The following DPEP1 variants were observed in gnomAD, a reference collection of about 807,000 sequenced individuals.
The protein encoded by DPEP1 is beta-lactamase.
DPEP1 carries 50 observed loss-of-function variants against 42.3 expected under a neutral mutation model. The observed-to-expected ratio is 1.18, with a 90% CI of 0.94 to 1.50. The LOEUF (loss-of-function observed/expected upper bound fraction) is 1.50. DPEP1 is among the 40% of genes most tolerant of loss of function. The pLI is 0.00. For missense variants in DPEP1, 663 were observed against 553.0 expected (o/e 1.20, Z -1.99); for synonymous variants, 297 against 234.0 (o/e 1.27, Z -2.46).
At chr16:89,638,799 C>T (rs1284591187), downstream of DPEP1, among the ~76,000 whole-genome samples, 1 of 95,778 alleles carries the variant, frequency 1.0e-5, no homozygotes, top group African/African-American at 4.1e-5. Flanking sequence ...CGCACACCCC[C>T]CACCCCTGCA....
At chr16:89,617,176 C>G (rs1371738641) in intron 1 of DPEP1, among the ~76,000 whole-genome samples, 5 of 152,226 alleles carry the variant, frequency 3.3e-5, no homozygotes, top group Non-Finnish European at 5.9e-5. Flanking sequence ...GGAATCAAGA[C>G]AGGGTGGAGC....
chr16:89,628,698 C>T (rs1156849379), intron 1 of DPEP1, among the ~76,000 whole-genome samples: 4 of 152,074 alleles, frequency 2.6e-5, no homozygotes, highest in African/African-American at 9.7e-5. Context: ...AAGCGACAAG[C>T]AGAACATGGA....
intron 1 of DPEP1, among the ~76,000 whole-genome samples, chr16:89,626,699 CT>C (rs1385406854): frequency 6.6e-6 from 1 of 151,584 alleles, no homozygotes; most frequent in Non-Finnish European, 1.5e-5. Context: ...CCCTCAAACT[CT>C]CTCCCCCGCT....
chr16:89,639,450 C>T (rs2059727625), downstream of DPEP1, among the ~76,000 whole-genome samples: 1 of 85,264 alleles, frequency 1.2e-5, no homozygotes, highest in Non-Finnish European at 2.3e-5. Context: ...CAACCCTGTG[C>T]ACACCCCACC....
intron 1 of DPEP1, among the ~76,000 whole-genome samples, chr16:89,624,600 T>C (rs2059484897): frequency 1.3e-5 from 2 of 151,724 alleles, no homozygotes; most frequent in African/African-American, 4.8e-5. Context: ...AGTGGCGCCA[T>C]CTCGGCTCAC....
At position 89,631,694 on chromosome 16, in the gene DPEP1, A is replaced by C. The variant is rs141285619; in HGVS notation, c.104+1180A>C. 6.7e-3 allele frequency among the ~76,000 whole-genome samples: 1,027 copies of C among 152,268 alleles called. 8 individuals carry two copies. The highest frequency in any genetic ancestry group is 0.023 in the African/African-American group (976 of 41,556). ...AACATGGCGAAACCCTGTCTCTACT[A>C]AAAATACAAAAAATTAGCCAGGCAT... On this transcript the variant is annotated intron_variant, in intron 2 of 10. Coordinates refer to ENST00000690203, the MANE Select transcript of DPEP1 (RefSeq NM_001389466.1).
In DPEP1 at chr16:89,632,413, C is replaced by A. The variant is rs148176834; in HGVS notation, c.104+1899C>A. 3.1e-3 allele frequency among the ~76,000 whole-genome samples: 473 copies of A among 152,302 alleles called. 4 individuals are homozygous for A. Among genetic ancestry groups the A allele is most frequent in the African/African-American group, 0.011 (443 of 41,554 alleles). On this transcript the variant is annotated intron_variant, in intron 2 of 10. Coordinates refer to ENST00000690203, the MANE Select transcript of DPEP1 (RefSeq NM_001389466.1). ...ACCTTCATCCCTTGGCCACCGCCAG[C>A]GACACAGGGGCAGGAAGTATCTTCA...
intron 1 of DPEP1, among the ~76,000 whole-genome samples, chr16:89,614,138 A>G (rs1302275324): frequency 1.3e-5 from 2 of 150,956 alleles, no homozygotes; most frequent in African/African-American, 4.9e-5. Context: ...CCTGGGACTC[A>G]AGGAGGTGGG....
At chr16:89,632,963 G>C (rs1320425314) in intron 2 of DPEP1, among the ~76,000 whole-genome samples, 3 of 152,160 alleles carry the variant, frequency 2.0e-5, no homozygotes, top group Admixed American at 1.3e-4. Flanking sequence ...GAGGAGGAGG[G>C]AGGGGAGAGC....
intron 1 of DPEP1, among the ~76,000 whole-genome samples, chr16:89,618,944 CCCTGCT>C (rs2059410756): frequency 9.8e-6 from 1 of 102,158 alleles, no homozygotes; most frequent in Non-Finnish European, 2.0e-5. Context: ...CTCCCTGCCC[CCCTGCT>C]CCCCTCCCTG....
chr16:89,624,018 G>A (rs954771928), intron 1 of DPEP1, among the ~76,000 whole-genome samples: 2 of 152,156 alleles, frequency 1.3e-5, no homozygotes, highest in African/African-American at 4.8e-5. Flanking sequence ...ACGGACTGTG[G>A]TGCGGTCACC....
At chr16:89,621,485 G>A (rs2059445977) in intron 1 of DPEP1, among the ~76,000 whole-genome samples, 1 of 152,200 alleles carries the variant, frequency 6.6e-6, no homozygotes, top group Non-Finnish European at 1.5e-5. Flanking sequence ...AGAGAGTCCG[G>A]GGCTGCTGAG....
rs936084809 is a variant in DPEP1 at position 89,638,345 on chromosome 16, C to T, written c.*123C>T. 63 of 1,428,930 alleles carry T rather than the reference C, an allele frequency of 4.4e-5. No homozygotes were observed. The highest frequency in any genetic ancestry group is 5.2e-5 in the Non-Finnish European group (57 of 1,095,612). The allele number at this position is 1,428,930 out of a possible 1,614,324, so 88.5% of individuals were successfully genotyped here. A position where few individuals can be genotyped will look rare whatever the true frequency, so the allele number is the denominator to read the frequency against. On this transcript the variant is annotated 3_prime_UTR_variant, in exon 11 of 11. Coordinates refer to ENST00000690203, the MANE Select transcript of DPEP1 (RefSeq NM_001389466.1). ...CAAGGACCAGCATCTCCTGAGAGGA[C>T]GCCTGGGCTTACCTGGGGGGCAGGA...
At chr16:89,639,084 TTCCTGC>T (rs2059722386), downstream of DPEP1, among the ~76,000 whole-genome samples, 2 of 11,246 alleles carry the variant, frequency 1.8e-4, no homozygotes, top group Non-Finnish European at 3.1e-4. Flanking sequence ...ACACACCCCA[TTCCTGC>T]ACACACACAC....
At chr16:89,615,318 C>T (rs1338685103) in intron 1 of DPEP1, among the ~76,000 whole-genome samples, 6 of 152,134 alleles carry the variant, frequency 3.9e-5, no homozygotes, top group African/African-American at 7.2e-5. Context: ...GGCTGAGGCT[C>T]CCAGCTCCCA....
At chr16:89,614,044 GGT>G (rs1351549315) in intron 1 of DPEP1, among the ~76,000 whole-genome samples, 1 of 151,690 alleles carries the variant, frequency 6.6e-6, no homozygotes, top group African/African-American at 2.4e-5. Context: ...ACTGGGGCCA[GGT>G]GTGTGGGGCA....
At chr16:89,628,271 T>G (rs868286544) in intron 1 of DPEP1, among the ~76,000 whole-genome samples, 1,568 of 147,900 alleles carry the variant, frequency 0.011, 14 homozygotes, top group Non-Finnish European at 0.017. Flanking sequence ...TTTTTTTTTT[T>G]TGTGAGATAG....
intron 1 of DPEP1, among the ~76,000 whole-genome samples, chr16:89,629,069 C>A (rs186191933): frequency 1.3e-5 from 2 of 152,190 alleles, no homozygotes; most frequent in African/African-American, 4.8e-5. Flanking sequence ...TCAAGTGATC[C>A]ATCCGCTTCG....
At chr16:89,632,748 G>A (rs545342314) in intron 2 of DPEP1, among the ~76,000 whole-genome samples, 17 of 152,266 alleles carry the variant, frequency 1.1e-4, no homozygotes, top group African/African-American at 3.1e-4. Flanking sequence ...CCTTCCCATC[G>A]TTTTCTCCAG....
Sources: allele counts gnomAD v4.1 joint callset (sites outside exome capture counted in the v4.1 genomes callset), GRCh38; gene constraint gnomAD v4.1.1; transcripts MANE v1.5; gene names NCBI Gene and HGNC (gene_info 2026-07-23, HGNC 2026-07-21).